PSD3: variants seen among roughly 807,000 people sequenced by gnomAD.
The protein encoded by PSD3 is PH and SEC7 domain-containing protein 3.
Under a neutral mutation model 105.5 loss-of-function variants are expected in PSD3, and 49 were observed. That is an observed-to-expected ratio of 0.46 (90% confidence interval 0.37 to 0.59). PSD3 has a LOEUF of 0.59. PSD3 is among the 20% of genes least tolerant of loss of function. PSD3 has a pLI of 0.00. For synonymous variants in PSD3, 557 were observed against 457.8 expected (o/e 1.22, Z -2.77); for missense variants, 1,561 against 1,263.8 (o/e 1.24, Z -3.57).
Position 18,919,091 on chromosome 8 carries a change from T to C in PSD3, c.130+16943A>G, listed in dbSNP as rs1451419616. ...TTTCAAAGAATATCTAGAGTGGATA[T>C]ATAATTTACCTGCAAATATGCTCAG... is the stretch of plus-strand genomic sequence containing the variant. On this transcript the variant is annotated intron_variant, in intron 2 of 15. Transcript: ENST00000327040. Among the ~76,000 whole-genome samples, 5 of 152,152 alleles carry C rather than the reference T, an allele frequency of 3.3e-5. No homozygotes were observed. In the East Asian group the frequency reaches 9.6e-4, roughly 29 times the overall value.
At chr8:19,030,850 G>A (rs1262259993) in intron 1 of PSD3, among the ~76,000 whole-genome samples, 4 of 152,042 alleles carry the variant, frequency 2.6e-5, no homozygotes, top group African/African-American at 9.7e-5. Flanking sequence ...CCTAATTTTG[G>A]TTATGAAAAA....
chr8:18,701,455 T>C (rs374435465), intron 9 of PSD3, among the ~76,000 whole-genome samples: 3 of 152,158 alleles, frequency 2.0e-5, no homozygotes, highest in South Asian at 2.1e-4. Context: ...GCTTACACAA[T>C]TGAAAACATA....
intron 15 of PSD3, among the ~76,000 whole-genome samples, chr8:18,541,421 T>A (rs780015128): frequency 6.6e-6 from 1 of 152,186 alleles, no homozygotes; most frequent in African/African-American, 2.4e-5. Context: ...TGATGGCAGA[T>A]GCCTGATGTG....
intron 4 of PSD3, among the ~76,000 whole-genome samples, chr8:18,819,854 G>A (rs1399470575): frequency 6.6e-6 from 1 of 152,202 alleles, no homozygotes; most frequent in Non-Finnish European, 1.5e-5. Flanking sequence ...TGGGTTTACA[G>A]GCGTGAGCCT....
intron 11 of PSD3, among the ~76,000 whole-genome samples, chr8:18,619,725 T>G (rs1346282045): frequency 6.6e-6 from 1 of 151,904 alleles, no homozygotes; most frequent in African/African-American, 2.4e-5. Flanking sequence ...TTTCACTAAA[T>G]GGATTTTTAT....
intron 9 of PSD3, among the ~76,000 whole-genome samples, chr8:18,739,831 G>A (rs907942823): frequency 2.0e-5 from 3 of 152,046 alleles, no homozygotes; most frequent in African/African-American, 7.2e-5. Context: ...CTGGCTTTCT[G>A]GCTAAGATCA....
intron 10 of PSD3, among the ~76,000 whole-genome samples, chr8:18,643,326 G>T (rs1193916503): frequency 1.3e-5 from 2 of 152,110 alleles, no homozygotes; most frequent in African/African-American, 4.8e-5. Flanking sequence ...TAATGGTTGG[G>T]GGACATATTC....
At chr8:18,842,939 T>C (rs1168647266) in intron 4 of PSD3, among the ~76,000 whole-genome samples, 1 of 152,188 alleles carries the variant, frequency 6.6e-6, no homozygotes, top group Admixed American at 6.5e-5. Flanking sequence ...GGACTTTCCT[T>C]GAGCAAAAAC....
chr8:18,567,965 T>C (rs35111948), intron 14 of PSD3, among the ~76,000 whole-genome samples: 1 of 152,234 alleles, frequency 6.6e-6, no homozygotes, highest in East Asian at 1.9e-4. Context: ...GAGGTAGTTC[T>C]TGCTTTATTA....
intron 14 of PSD3, among the ~76,000 whole-genome samples, chr8:18,561,334 G>T (rs1346572587): frequency 1.3e-5 from 2 of 152,106 alleles, no homozygotes; most frequent in South Asian, 2.1e-4. Flanking sequence ...CGACAACATG[G>T]ACAAACCTGG....
chr8:18,698,205 C>G (rs991672808), intron 9 of PSD3, among the ~76,000 whole-genome samples: 1 of 152,064 alleles, frequency 6.6e-6, no homozygotes, highest in African/African-American at 2.4e-5. Flanking sequence ...CTCAACTGAG[C>G]CTCCTGCTTC....
At chr8:18,641,312 C>G (rs955795633) in intron 10 of PSD3, among the ~76,000 whole-genome samples, 6 of 152,126 alleles carry the variant, frequency 3.9e-5, no homozygotes, top group African/African-American at 1.4e-4. Flanking sequence ...TCAGGGCCAG[C>G]TGAGTAGTGA....
At chr8:18,616,693 G>T (rs1200960290) in intron 11 of PSD3, among the ~76,000 whole-genome samples, 3 of 142,852 alleles carry the variant, frequency 2.1e-5, no homozygotes, top group Non-Finnish European at 3.0e-5. Context: ...GCGGGATCTC[G>T]GCTCACTGCA....
intron 9 of PSD3, among the ~76,000 whole-genome samples, chr8:18,665,468 G>A (rs570565279): frequency 6.6e-6 from 1 of 152,228 alleles, no homozygotes; most frequent in African/African-American, 2.4e-5. Flanking sequence ...ATGAGGATTT[G>A]TATGGATGAG....
intron 1 of PSD3, among the ~76,000 whole-genome samples, chr8:18,977,874 G>A (rs1464330094): frequency 3.9e-5 from 6 of 152,062 alleles, no homozygotes; most frequent in Admixed American, 1.3e-4. Flanking sequence ...TTTAACTGTC[G>A]TAATTTATTT....
chr8:18,556,835 G>A (rs570336333), intron 14 of PSD3, among the ~76,000 whole-genome samples: 1 of 152,172 alleles, frequency 6.6e-6, no homozygotes, highest in East Asian at 1.9e-4. Flanking sequence ...GAGCTACGAA[G>A]AAAAATTTCT....
At chr8:18,819,430 C>G (rs543480815) in intron 4 of PSD3, among the ~76,000 whole-genome samples, 14 of 152,106 alleles carry the variant, frequency 9.2e-5, no homozygotes, top group African/African-American at 3.4e-4. Flanking sequence ...ACAAAAAAAG[C>G]CCTCCCCAAA....
At chr8:18,681,766 C>A (rs1468779914) in intron 9 of PSD3, among the ~76,000 whole-genome samples, 1 of 151,974 alleles carries the variant, frequency 6.6e-6, no homozygotes. Flanking sequence ...TCTCTTAGCT[C>A]TGGTGTTCAA....
At chr8:18,862,167 T>A (rs908271068) in intron 4 of PSD3, among the ~76,000 whole-genome samples, 7 of 152,178 alleles carry the variant, frequency 4.6e-5, no homozygotes, top group African/African-American at 1.7e-4. Flanking sequence ...TGATTTTTGT[T>A]CCATCTGATT....
Sources: allele counts gnomAD v4.1 joint callset (sites outside exome capture counted in the v4.1 genomes callset), GRCh38; gene constraint gnomAD v4.1.1; transcripts MANE v1.5; gene names NCBI Gene and HGNC (gene_info 2026-07-23, HGNC 2026-07-21).